Variants in SAE1 observed in about 807,000 individuals in gnomAD.
SAE1 encodes the protein SUMO1 activating enzyme subunit 1.
In SAE1, 11 loss-of-function variants were observed where a neutral mutation model predicts 40.6. The observed-to-expected ratio is 0.27, with a 90% CI of 0.17 to 0.45. SAE1 has a LOEUF of 0.45. SAE1 is among the 20% of genes least tolerant of loss of function. SAE1 has a pLI of 1.00. For missense variants in SAE1, 373 were observed against 427.3 expected, an observed-to-expected ratio of 0.87 and a Z score of 1.12; for synonymous variants, 155 against 154.3, an observed-to-expected ratio of 1.00 and a Z score of -0.03.
chr19:47,142,554 C>T (rs970774947), intron 1 of SAE1: 2 of 152,168 alleles, frequency 1.3e-5, no homozygotes, highest in African/African-American at 4.8e-5. Flanking sequence ...GTGACATCTT[C>T]CTACCCCCAT....
intron 1 of SAE1, among the ~76,000 whole-genome samples, chr19:47,138,615 G>A (rs1411790857): frequency 6.6e-6 from 1 of 152,198 alleles, no homozygotes; most frequent in African/African-American, 2.4e-5. Context: ...AAATGCCAAG[G>A]AAGTTACTGG....
At chr19:47,153,185 C>G (rs2058297974) in intron 4 of SAE1, 145 bp downstream of exon 4, 3 of 675,156 alleles carry the variant, frequency 4.4e-6, no homozygotes, top group Non-Finnish European at 6.7e-6. Context: ...TCAAGTGATC[C>G]TCCCACCTTG....
At chr19:47,201,718 C>A (rs913614812) in intron 7 of SAE1, among the ~76,000 whole-genome samples, 4 of 151,972 alleles carry the variant, frequency 2.6e-5, no homozygotes, top group Non-Finnish European at 1.5e-5. Flanking sequence ...ACTGCAACCT[C>A]CACCTCCTGG....
At chr19:47,193,084 G>A (rs369884147) in intron 6 of SAE1, among the ~76,000 whole-genome samples, 4 of 146,820 alleles carry the variant, frequency 2.7e-5, no homozygotes, top group East Asian at 4.0e-4. Context: ...TGGAGACAGA[G>A]TCTTGCTCTG....
At chr19:47,148,271 G>T (rs2058266432) in intron 2 of SAE1, among the ~76,000 whole-genome samples, 1 of 151,998 alleles carries the variant, frequency 6.6e-6, no homozygotes, top group African/African-American at 2.4e-5. Context: ...AAGGATACAG[G>T]GTTAGCCTAG....
At chr19:47,136,894 A>AGAGGGCTCTAGGTGGGATAG (rs2058183796) in intron 1 of SAE1, among the ~76,000 whole-genome samples, 1 of 152,110 alleles carries the variant, frequency 6.6e-6, no homozygotes, top group Non-Finnish European at 1.5e-5. Flanking sequence ...CTTGCCTCTA[A>AGAGGGCTCTAGGTGGGATAG]GAGGGCTCTA....
At chr19:47,163,482 CT>C (rs1358477916) in intron 5 of SAE1, among the ~76,000 whole-genome samples, 2 of 152,090 alleles carry the variant, frequency 1.3e-5, no homozygotes, top group Non-Finnish European at 2.9e-5. Context: ...AATCCCAGCA[CT>C]TTGGGAGGCC....
chr19:47,197,980 C>T (rs1417273921), intron 7 of SAE1, among the ~76,000 whole-genome samples: 1 of 152,214 alleles, frequency 6.6e-6, no homozygotes, highest in East Asian at 1.9e-4. Context: ...AGCAAAACCA[C>T]CCATGTTCCC....
chr19:47,134,604 T>C (rs2058167283), intron 1 of SAE1, among the ~76,000 whole-genome samples: 3 of 151,590 alleles, frequency 2.0e-5, no homozygotes, highest in Admixed American at 6.6e-5. Flanking sequence ...TGGTGTGTTC[T>C]GAGATCCTAA....
At chr19:47,179,153 C>A (rs1336030723) in intron 6 of SAE1, among the ~76,000 whole-genome samples, 1 of 145,148 alleles carries the variant, frequency 6.9e-6, no homozygotes, top group Non-Finnish European at 1.5e-5. Flanking sequence ...GATCTCACCA[C>A]TGCACTCCAG....
At chr19:47,131,156 C>T (rs959389308) in intron 1 of SAE1, 128 bp downstream of exon 1, 45 of 1,423,864 alleles carry the variant, frequency 3.2e-5, no homozygotes, top group Non-Finnish European at 4.1e-5. Flanking sequence ...GCTCTGGGAT[C>T]GTCTCTCTCT....
At chr19:47,166,130 G>A (rs1206588631) in intron 5 of SAE1, among the ~76,000 whole-genome samples, 2 of 152,192 alleles carry the variant, frequency 1.3e-5, no homozygotes, top group African/African-American at 4.8e-5. Flanking sequence ...TGTTCTGCCT[G>A]TGCAGTGCAG....
Position 47,209,253 on chromosome 19 carries a change from C to G in SAE1, c.*2C>G. The G allele has an allele frequency of 1.2e-6, 2 of 1,614,152 alleles. No individual in the cohort carries two copies. Among genetic ancestry groups the G allele is most frequent in the South Asian group, 1.1e-5 (1 of 91,080 alleles). ...GTGGAGTGCCTTGGCCCCAAGTGAA[C>G]TCAAGATTTGGCAGCCCCAGAGATG... On this transcript the variant is annotated 3_prime_UTR_variant, in exon 9 of 9. Coordinates refer to ENST00000270225, the MANE Select transcript of SAE1 (RefSeq NM_005500.3).
chr19:47,181,307 A>G (rs2058504395), intron 6 of SAE1, among the ~76,000 whole-genome samples: 1 of 151,968 alleles, frequency 6.6e-6, no homozygotes, highest in Admixed American at 6.6e-5. Flanking sequence ...CAAGAGCGAA[A>G]CTCTATCTCA....
chr19:47,191,729 A>C (rs907361822), intron 6 of SAE1, among the ~76,000 whole-genome samples: 8 of 151,942 alleles, frequency 5.3e-5, no homozygotes, highest in African/African-American at 1.9e-4. Flanking sequence ...AGCTGTTACC[A>C]CAAAGCTTTT....
intron 6 of SAE1, among the ~76,000 whole-genome samples, chr19:47,173,276 C>T (rs942319410): frequency 7.2e-5 from 11 of 152,154 alleles, no homozygotes; most frequent in African/African-American, 2.4e-4. Flanking sequence ...GGATTAGAGG[C>T]GTGAGCCACC....
At chr19:47,175,107 A>ATTTTTTTTTT (rs916783073) in intron 6 of SAE1, among the ~76,000 whole-genome samples, 2 of 91,708 alleles carry the variant, frequency 2.2e-5, no homozygotes, top group Non-Finnish European at 4.1e-5. Flanking sequence ...AGTGGCCTTG[A>ATTTTTTTTTT]TTTTTTTTTT....
intron 6 of SAE1, among the ~76,000 whole-genome samples, chr19:47,170,656 G>A (rs934776831): frequency 1.3e-5 from 2 of 151,920 alleles, no homozygotes; most frequent in African/African-American, 4.8e-5. Flanking sequence ...ACAAGCACAC[G>A]CCACTGTGCC....
intron 7 of SAE1, among the ~76,000 whole-genome samples, chr19:47,201,879 C>T (rs1281730510): frequency 2.0e-5 from 3 of 152,120 alleles, no homozygotes; most frequent in Non-Finnish European, 1.5e-5. Context: ...ATGATCCACC[C>T]GCCTTGGCCT....
Sources: gnomAD v4.1 joint callset for allele counts (sites outside exome capture counted in the v4.1 genomes callset) on GRCh38, gnomAD v4.1.1 for gene constraint, MANE v1.5 for transcripts, NCBI Gene and HGNC (gene_info 2026-07-23, HGNC 2026-07-21) for gene names.